The following SEPTIN9 variants were observed in gnomAD, a reference collection of about 807,000 sequenced individuals.
The protein encoded by SEPTIN9 is septin-9.
SEPTIN9 carries 13 observed loss-of-function variants against 56.6 expected under a neutral mutation model. That is an observed-to-expected ratio of 0.23 (90% confidence interval 0.15 to 0.37). The LOEUF (loss-of-function observed/expected upper bound fraction) is 0.37. Among genes scored for constraint, SEPTIN9 ranks in the 10% least tolerant of loss-of-function variants. The probability of loss-of-function intolerance (pLI) is 1.00; values close to 1 mark genes in which losing one functional copy is unlikely to be tolerated. For synonymous variants in SEPTIN9, 332 were observed against 334.1 expected, an observed-to-expected ratio of 0.99 and a Z score of 0.07; for missense variants, 650 against 823.1, an observed-to-expected ratio of 0.79 and a Z score of 2.57.
chr17:77,425,540 C>T lies in SEPTIN9; in HGVS notation c.721+22837C>T, dbSNP rs1480641014. Among the ~76,000 whole-genome samples the T allele has an allele frequency of 6.6e-6, 1 of 152,172 alleles. No homozygotes were observed. The highest frequency in any genetic ancestry group is 1.5e-5 in the Non-Finnish European group (1 of 68,022). On this transcript the variant is annotated intron_variant, in intron 3 of 11. Coordinates refer to ENST00000427177, the MANE Select transcript of SEPTIN9 (RefSeq NM_001113491.2). This position sits in a 1 kb window ranked among gnomAD's most constrained non-coding sequence, Gnocchi z 4.2. Reference sequence around the variant, plus strand: ...TTACATGGAAGGAGCTGCAGCTGAGCTGGCGGGCCTCGCACACCCCCAAGG... The same window carrying T: ...TTACATGGAAGGAGCTGCAGCTGAGTTGGCGGGCCTCGCACACCCCCAAGG...
chr17:77,490,192 G>A (rs1028524465), intron 7 of SEPTIN9, among the ~76,000 whole-genome samples: 4 of 152,180 alleles, frequency 2.6e-5, no homozygotes, highest in Non-Finnish European at 5.9e-5. Flanking sequence ...GGAAAAGCTC[G>A]GCTCCAGAAC....
intron 3 of SEPTIN9, among the ~76,000 whole-genome samples, chr17:77,467,444 T>C (rs1382226883): frequency 6.6e-6 from 1 of 152,022 alleles, no homozygotes; most frequent in Non-Finnish European, 1.5e-5. Flanking sequence ...AGCACTGGGG[T>C]TGGGGAGTGG....
Position 77,475,199 on chromosome 17 carries a change from TG to T in SEPTIN9, c.722-6944del. On this transcript the variant is annotated intron_variant, in intron 3 of 11. Transcript: ENST00000427177. The surrounding 1 kb of genome is among the most constrained non-coding windows in gnomAD (Gnocchi z 4.6). ...GAGGTGTCTGGCTTCACAAACCCTG[TG>T]TGGGGGGGTTGTGGTGAGAGGAAAC... 8.3e-7 allele frequency: 1 copy of T among 1,209,354 alleles called. No homozygotes were observed. Among genetic ancestry groups the T allele is most frequent in the Non-Finnish European group, 1.0e-6 (1 of 966,440 alleles). 74.9% of individuals were successfully genotyped at this position (1,209,354 alleles called of 1,614,324 possible).
At position 77,365,635 on chromosome 17, in the gene SEPTIN9, G is replaced by A. The variant is rs549255638; in HGVS notation, c.77-36424G>A. On this transcript the variant is annotated intron_variant, in intron 2 of 11. Transcript: ENST00000427177. The stretch of plus-strand genomic sequence containing the variant: ...ACAGGCCCTGTGGAGCCTTCTGAGC[G>A]GGTGCAGAAGAGGGAGGGCATGTTC... Among the ~76,000 whole-genome samples the A allele has an allele frequency of 4.9e-4, 75 of 152,254 alleles. 1 individual carries two copies. The South Asian group carries it at 5.0e-3, about 10-fold the overall frequency.
chr17:77,488,950 C>T (rs1199352475), intron 7 of SEPTIN9, 86 bp downstream of exon 7: 5 of 1,547,374 alleles, frequency 3.2e-6, no homozygotes, highest in African/African-American at 2.7e-5. Flanking sequence ...GCTGTCTGCC[C>T]TGCTGCTGGG....
rs113967786 is a variant in SEPTIN9 at position 77,329,034 on chromosome 17, G to T, written c.76+21837G>T. Reference sequence around the variant, plus strand: ...GGCCCGAGGCTGGAGCCTGGGGAAGGTGGGAGTGGCTGGAGTGTGTTTTCA... The same window carrying T: ...GGCCCGAGGCTGGAGCCTGGGGAAGTTGGGAGTGGCTGGAGTGTGTTTTCA... On this transcript the variant is annotated intron_variant, in intron 2 of 11. Coordinates refer to ENST00000427177, the MANE Select transcript of SEPTIN9 (RefSeq NM_001113491.2). The surrounding 1 kb of genome is among the most constrained non-coding windows in gnomAD (Gnocchi z 4.3). Among the ~76,000 whole-genome samples, 2 of 152,234 alleles carry T rather than the reference G, an allele frequency of 1.3e-5. No individual in the cohort carries two copies. Among genetic ancestry groups the T allele is most frequent in the African/African-American group, 4.8e-5 (2 of 41,464 alleles).
At position 77,421,308 on chromosome 17, in the gene SEPTIN9, A is replaced by G. The variant is rs2036693968; in HGVS notation, c.721+18605A>G. Among the ~76,000 whole-genome samples the G allele has an allele frequency of 2.0e-5, 3 of 152,180 alleles. No individual in the cohort carries two copies. Among genetic ancestry groups the G allele is most frequent in the African/African-American group, 7.2e-5 (3 of 41,436 alleles). On this transcript the variant is annotated intron_variant, in intron 3 of 11. Transcript: ENST00000427177. The surrounding 1 kb of genome is among the most constrained non-coding windows in gnomAD (Gnocchi z 4.6). ...GACACCGCCCGTCTGTGGGGTGAGC[A>G]GGAACAGATTGGAACCGCATTTCTC... is the stretch of plus-strand genomic sequence containing the variant.
chr17:77,410,050 C>G (rs1431520232), intron 3 of SEPTIN9, among the ~76,000 whole-genome samples: 3 of 152,186 alleles, frequency 2.0e-5, no homozygotes, highest in African/African-American at 7.2e-5. Flanking sequence ...TTATAAGTGA[C>G]TCTGTCTCCT....
Position 77,475,366 on chromosome 17 carries a change from A to G in SEPTIN9, c.722-6778A>G. On this transcript the variant is annotated intron_variant, in intron 3 of 11. Transcript: ENST00000427177. The surrounding 1 kb of genome is among the most constrained non-coding windows in gnomAD (Gnocchi z 4.6). ...TCAGCAGGGATCTGAAGGACTTTGC[A>G]GGCACCCAGGGAGATAGGAGAGGAG... is the stretch of plus-strand genomic sequence containing the variant. 7.0e-7 allele frequency: 1 copy of G among 1,436,900 alleles called. No individual in the cohort carries two copies. Among genetic ancestry groups the G allele is most frequent in the Non-Finnish European group, 9.1e-7 (1 of 1,101,326 alleles). 89.0% of individuals were successfully genotyped at this position (1,436,900 alleles called of 1,614,324 possible). A position where few individuals can be genotyped will look rare whatever the true frequency, so the allele number is the denominator to read the frequency against.
At chr17:77,410,010 C>A (rs1337939624) in intron 3 of SEPTIN9, among the ~76,000 whole-genome samples, 1 of 152,162 alleles carries the variant, frequency 6.6e-6, no homozygotes, top group Non-Finnish European at 1.5e-5. Flanking sequence ...CAGTTGGACT[C>A]CACTTCCTCT....
At position 77,389,275 on chromosome 17, in the gene SEPTIN9, C is replaced by T. The variant is rs117846804; in HGVS notation, c.77-12784C>T. On this transcript the variant is annotated intron_variant, in intron 2 of 11. Coordinates refer to ENST00000427177, the MANE Select transcript of SEPTIN9 (RefSeq NM_001113491.2). This position sits in a 1 kb window ranked among gnomAD's most constrained non-coding sequence, Gnocchi z 4.3. The stretch of plus-strand genomic sequence containing the variant: ...GAAGTAGAGGGGAAGGAGGGGCACG[C>T]GGTAGGCTGAGGAGGTGGCTGGCGA... Among the ~76,000 whole-genome samples, 1,097 of 152,138 alleles carry T rather than the reference C, an allele frequency of 7.2e-3. 6 individuals carry two copies. The highest frequency in any genetic ancestry group is 0.012 in the Non-Finnish European group (826 of 67,978).
chr17:77,288,078 C>T, intron 1 of SEPTIN9: 1 of 1,063,656 alleles, frequency 9.4e-7, no homozygotes, highest in Non-Finnish European at 1.1e-6. Context: ...GCACGGAGGG[C>T]CAGAAAGTCC....
chr17:77,316,847 C>T (rs1453401976), intron 2 of SEPTIN9, among the ~76,000 whole-genome samples: 1 of 152,146 alleles, frequency 6.6e-6, no homozygotes, highest in Admixed American at 6.5e-5. Context: ...GCTGAGATTA[C>T]AGGCACGTGC....
At chr17:77,454,308 C>A (rs2038098142) in intron 3 of SEPTIN9, 5 of 985,406 alleles carry the variant, frequency 5.1e-6, no homozygotes, top group South Asian at 9.4e-5. Flanking sequence ...CAGAGTTCTG[C>A]CTTCCGGCGC....
At chr17:77,482,544 C>T (rs1314541830) in intron 4 of SEPTIN9, 1 of 706,940 alleles carries the variant, frequency 1.4e-6, no homozygotes, top group South Asian at 1.5e-5. Context: ...AGGGGCCTGT[C>T]CTGCACATCC....
chr17:77,466,556 C>T, intron 3 of SEPTIN9: 2 of 985,474 alleles, frequency 2.0e-6, no homozygotes, highest in Non-Finnish European at 2.4e-6. Flanking sequence ...CGTTGGAGTC[C>T]CACAGTAGGT....
chr17:77,306,986 G>A (rs2032294029), intron 1 of SEPTIN9, among the ~76,000 whole-genome samples, 155 bp from the exon 2 acceptor site: 1 of 152,228 alleles, frequency 6.6e-6, no homozygotes. Context: ...AGGGTTACCT[G>A]GGGGAGTAGG....
At chr17:77,483,330 T>G (rs1276372635) in intron 4 of SEPTIN9, 1 of 152,922 alleles carries the variant, frequency 6.5e-6, no homozygotes, top group African/African-American at 2.4e-5. Flanking sequence ...CTCTGCTTCC[T>G]GTAGCCTCAT....
chr17:77,440,737 C>G (rs1164220546), intron 3 of SEPTIN9, among the ~76,000 whole-genome samples: 1 of 152,256 alleles, frequency 6.6e-6, no homozygotes, highest in African/African-American at 2.4e-5. Flanking sequence ...ATCTCCTTTA[C>G]TTGTCACTCT....
Sources: gnomAD v4.1 joint callset for allele counts (sites outside exome capture counted in the v4.1 genomes callset) on GRCh38, gnomAD v4.1.1 for gene constraint, Gnocchi (gnomAD v3.1) non-coding constraint, MANE v1.5 for transcripts, NCBI Gene and HGNC (gene_info 2026-07-23, HGNC 2026-07-21) for gene names.